GRB10: variants seen among roughly 807,000 people sequenced by gnomAD.
The protein encoded by GRB10 is growth factor receptor bound protein 10, also known as growth factor receptor-bound protein 10.
GRB10 carries 20 observed loss-of-function variants against 80.9 expected under a neutral mutation model. The observed-to-expected ratio is 0.25, with a 90% confidence interval of 0.17 to 0.36. The LOEUF (loss-of-function observed/expected upper bound fraction) is 0.36, where lower values mean the gene tolerates loss of function less well. Among genes scored for constraint, GRB10 ranks in the 10% least tolerant of loss-of-function variants. The pLI is 1.00. For missense variants in GRB10, 548 were observed against 747.7 expected (o/e 0.73, Z 3.12); for synonymous variants, 291 against 291.5 (o/e 1.00, Z 0.02).
chr7:50,676,383 AT>A (rs1417122362), intron 5 of GRB10, among the ~76,000 whole-genome samples: 4 of 143,978 alleles, frequency 2.8e-5, no homozygotes, highest in African/African-American at 1.0e-4. Flanking sequence ...TATCTGCTTT[AT>A]AACACAGCTT....
chr7:50,780,760 T>C (rs1333712236), intron 1 of GRB10, 24 bp from the exon 2 acceptor site: 1 of 152,210 alleles, frequency 6.6e-6, no homozygotes, highest in Non-Finnish European at 1.5e-5. Flanking sequence ...AAAACCATTC[T>C]AGTCCAAGCG....
chr7:50,671,594 T>A (rs2060357203), intron 6 of GRB10, among the ~76,000 whole-genome samples: 1 of 152,172 alleles, frequency 6.6e-6, no homozygotes, highest in South Asian at 2.1e-4. Context: ...TGTGAACAAA[T>A]CCCACTCTTC....
At chr7:50,617,797 T>C in intron 10 of GRB10, 1 of 525,624 alleles carries the variant, frequency 1.9e-6, no homozygotes, top group Non-Finnish European at 3.4e-6. Context: ...CACTCAGCAG[T>C]GGCATCACTG....
At chr7:50,609,232 T>C (rs189906232) in intron 13 of GRB10, among the ~76,000 whole-genome samples, 1 of 152,114 alleles carries the variant, frequency 6.6e-6, no homozygotes, top group African/African-American at 2.4e-5. Context: ...CAAAGTAAAA[T>C]AGTTACATTG....
At chr7:50,620,519 G>A (rs938974530) in intron 8 of GRB10, among the ~76,000 whole-genome samples, 1 of 152,178 alleles carries the variant, frequency 6.6e-6, no homozygotes. Flanking sequence ...GAGCTGATTC[G>A]TGCTCGGCCC....
chr7:50,672,217 C>T (rs2060438194), intron 6 of GRB10, among the ~76,000 whole-genome samples: 1 of 152,194 alleles, frequency 6.6e-6, no homozygotes, highest in Non-Finnish European at 1.5e-5. Flanking sequence ...TCCTCTGCAG[C>T]GTGGACCATG....
intron 4 of GRB10, among the ~76,000 whole-genome samples, chr7:50,730,848 C>G (rs536535156): frequency 1.3e-5 from 2 of 152,274 alleles, no homozygotes; most frequent in South Asian, 2.1e-4. Flanking sequence ...TATTCTATAC[C>G]CAGCCGAGGA....
At chr7:50,710,795 G>T in intron 4 of GRB10, 1 of 1,488,390 alleles carries the variant, frequency 6.7e-7, no homozygotes, top group Non-Finnish European at 9.4e-7. Context: ...CACTTCTGAG[G>T]TTCAAATTAA....
rs2077976612 is a variant in GRB10, at chr7:50,778,835, ATACAATTCC to A, written c.-217+1783_-217+1791del. On this transcript the variant is annotated intron_variant, in intron 2 of 18. Transcript: ENST00000401949. The stretch of plus-strand genomic sequence containing the variant: ...GTTAGCATGCACAAGCTCAAAGCAG[ATACAATTCC>A]TACATTCTTAAAAGAAGGCAGGTGG... 2.6e-5 allele frequency among the ~76,000 whole-genome samples: 4 copies of A among 152,348 alleles called. No homozygotes were observed. In the South Asian group the frequency reaches 8.3e-4, roughly 32 times the overall value.
At chr7:50,640,147 C>T (rs2237447) in intron 7 of GRB10, among the ~76,000 whole-genome samples, 62,482 of 152,076 alleles carry the variant, frequency 0.41, 12,930 homozygotes, top group Admixed American at 0.45. Context: ...AGCTACTGTC[C>T]TTTGGGGCTA....
intron 5 of GRB10, 48 bp from the exon 6 acceptor site, chr7:50,674,706 G>A: frequency 1.3e-6 from 2 of 1,496,626 alleles, no homozygotes; most frequent in Non-Finnish European, 1.9e-6. Context: ...ACAATGGAGA[G>A]CAATCAAACC....
chr7:50,791,810 G>A (rs1366048397), intron 1 of GRB10, among the ~76,000 whole-genome samples: 7 of 152,136 alleles, frequency 4.6e-5, no homozygotes, highest in Admixed American at 4.6e-4. Context: ...TGATTTTTAA[G>A]AGAAAAACCT....
At chr7:50,694,077 T>A (rs961838876) in intron 5 of GRB10, among the ~76,000 whole-genome samples, 1 of 152,146 alleles carries the variant, frequency 6.6e-6, no homozygotes, top group Admixed American at 6.5e-5. Flanking sequence ...TCCTGGCTCA[T>A]GCCTGTAATC....
At chr7:50,624,207 C>T (rs140901295) in intron 8 of GRB10, among the ~76,000 whole-genome samples, 8 of 152,308 alleles carry the variant, frequency 5.3e-5, no homozygotes, top group African/African-American at 1.9e-4. Context: ...TGTGAGAATA[C>T]CTGACATATA....
upstream of GRB10, among the ~76,000 whole-genome samples, chr7:50,787,045 T>C (rs185778711): frequency 6.6e-6 from 1 of 152,246 alleles, no homozygotes; most frequent in Admixed American, 6.5e-5. Flanking sequence ...GAAAACAAAA[T>C]GTCCTAGGAG....
intron 1 of GRB10, among the ~76,000 whole-genome samples, chr7:50,789,073 C>T (rs1588144260): frequency 6.6e-6 from 1 of 152,370 alleles, no homozygotes; most frequent in East Asian, 1.9e-4. Flanking sequence ...GCTATCTTTG[C>T]TCTTAGAATT....
chr7:50,643,219 T>C (rs968705587), intron 7 of GRB10, among the ~76,000 whole-genome samples: 2 of 152,114 alleles, frequency 1.3e-5, no homozygotes, highest in Non-Finnish European at 1.5e-5. Context: ...TTAGGGTACA[T>C]GGAGGGGGTC....
At chr7:50,723,520 G>A (rs2068081883) in intron 4 of GRB10, among the ~76,000 whole-genome samples, 1 of 152,214 alleles carries the variant, frequency 6.6e-6, no homozygotes, top group Admixed American at 6.5e-5. Flanking sequence ...GTACCCCAGA[G>A]CCTGCTAAAC....
At chr7:50,719,216 G>T (rs1347812713) in intron 4 of GRB10, among the ~76,000 whole-genome samples, 1 of 152,200 alleles carries the variant, frequency 6.6e-6, no homozygotes, top group South Asian at 2.1e-4. Context: ...CACAAGGGAA[G>T]GCCTCACTGA....
Sources: allele counts gnomAD v4.1 joint callset (sites outside exome capture counted in the v4.1 genomes callset), GRCh38; gene constraint gnomAD v4.1.1; transcripts MANE v1.5; gene names NCBI Gene and HGNC (gene_info 2026-07-23, HGNC 2026-07-21).